RABL6: variants seen among roughly 807,000 people sequenced by gnomAD.
RABL6 encodes RAB, member RAS oncogene family like 6, also known as rab-like protein 6.
RABL6 carries 28 observed loss-of-function variants against 72.9 expected under a neutral mutation model. That is an observed-to-expected ratio of 0.38 (90% CI 0.28 to 0.53). The LOEUF (loss-of-function observed/expected upper bound fraction) is 0.53. Among genes scored for constraint, RABL6 ranks in the 20% least tolerant of loss-of-function variants. RABL6 has a pLI of 0.80. For missense variants in RABL6, 1,029 were observed against 1,008.4 expected, an observed-to-expected ratio of 1.02 and a Z score of -0.28; for synonymous variants, 477 against 421.2, an observed-to-expected ratio of 1.13 and a Z score of -1.62.
At chr9:136,808,834 C>T (rs551653910) in intron 1 of RABL6, 1 of 60,624 alleles carries the variant, frequency 1.6e-5, no homozygotes, top group Admixed American at 1.5e-4. Flanking sequence ...GCCACACATT[C>T]TCGCCTTTTT....
At position 136,826,816 on chromosome 9, in the gene RABL6, G is replaced by C. The variant is rs917104173; in HGVS notation, c.313+990G>C. 4 of 152,322 alleles carry C rather than the reference G, an allele frequency of 2.6e-5. No individual in the cohort carries two copies. Among genetic ancestry groups the C allele is most frequent in the Non-Finnish European group, 4.4e-5 (3 of 68,146 alleles). The allele number at this position is 152,322 out of a possible 1,614,324, so 9.4% of individuals were successfully genotyped here. A position where few individuals can be genotyped will look rare whatever the true frequency, so the allele number is the denominator to read the frequency against. On this transcript the variant is annotated intron_variant, in intron 3 of 14. Transcript: ENST00000311502. The surrounding 1 kb of genome is among the most constrained non-coding windows in gnomAD (Gnocchi z 4.9). Reference sequence around the variant, plus strand: ...GCCCCCAGGTGGCTCAGGAAGGGCCGTCCTGACCCCCATCCTGGCCCCTTT... The same window carrying C: ...GCCCCCAGGTGGCTCAGGAAGGGCCCTCCTGACCCCCATCCTGGCCCCTTT...
intron 1 of RABL6, chr9:136,821,904 G>C: frequency 7.8e-7 from 1 of 1,281,464 alleles, no homozygotes; most frequent in Middle Eastern, 3.0e-4. Flanking sequence ...CACCGTGGCC[G>C]TGAGGGCGCC....
At position 136,828,556 on chromosome 9, in the gene RABL6, A is replaced by G; in HGVS notation, c.366+10A>G. The G allele has an allele frequency of 6.2e-7, 1 of 1,613,036 alleles. No individual in the cohort carries two copies. The highest frequency in any genetic ancestry group is 8.5e-7 in the Non-Finnish European group (1 of 1,179,602). On this transcript the variant is annotated intron_variant, in intron 4 of 14. Transcript: ENST00000311502. ...GAACGACCCCCAGGAGGTGAGTGCC[A>G]GGTACACAGTGGGTAGCAGTGGCTC... is the stretch of plus-strand genomic sequence containing the variant.
chr9:136,833,968 C>T (rs962619648), intron 7 of RABL6: 3 of 1,534,876 alleles, frequency 2.0e-6, no homozygotes, highest in South Asian at 2.4e-5. Context: ...AATGGTTTGC[C>T]CTCCAAACCC....
At chr9:136,821,731 C>T in intron 1 of RABL6, 3 of 1,119,834 alleles carry the variant, frequency 2.7e-6, no homozygotes, top group Non-Finnish European at 2.2e-6. Context: ...GGCTGCTGTG[C>T]TCTCCACAGG....
chr9:136,812,508 A>C (rs1848032462), intron 1 of RABL6, among the ~76,000 whole-genome samples: 1 of 152,110 alleles, frequency 6.6e-6, no homozygotes. Context: ...GCCGTGAGCC[A>C]AGATCACACC....
chr9:136,825,680 G>T, intron 2 of RABL6, 99 bp from the exon 3 acceptor site: 1 of 1,317,734 alleles, frequency 7.6e-7, no homozygotes. Flanking sequence ...GGTGGGAGCC[G>T]GTGGCTGCGG....
intron 12 of RABL6, 91 bp downstream of exon 12, chr9:136,839,577 T>G: frequency 6.4e-7 from 1 of 1,551,484 alleles, no homozygotes; most frequent in Non-Finnish European, 8.7e-7. Flanking sequence ...GGAGGAGGCT[T>G]CTGGAAGAGG....
In RABL6 at chr9:136,829,441, A is replaced by G; in HGVS notation, c.415A>G (p.Asn139Asp). 3.1e-6 allele frequency: 5 copies of G among 1,588,648 alleles called. No homozygotes were observed. Among genetic ancestry groups the G allele is most frequent in the Non-Finnish European group, 4.3e-6 (5 of 1,167,884 alleles). Residue 139 changes from asparagine to aspartate, a missense_variant, in exon 5 of 15, where the codon AAC becomes GAC. Transcript: ENST00000311502. ...TGCTGAGTTCCTGGACGTGTACAAG[A>G]ACTGCAACGGGGTGGTCATGATGTT... ...LDAEFLDVYK[N>D]CNGVVMMFDI...
chr9:136,839,514 T>C, intron 12 of RABL6, 28 bp downstream of exon 12: 1 of 1,591,882 alleles, frequency 6.3e-7, no homozygotes, highest in Non-Finnish European at 8.6e-7. Context: ...GGGGCAGAGG[T>C]CAGCCAGGTG....
chr9:136,821,737 A>C, intron 1 of RABL6: 1 of 1,142,054 alleles, frequency 8.8e-7, no homozygotes, highest in Non-Finnish European at 1.1e-6. Context: ...TGTGCTCTCC[A>C]CAGGCCGGGC....
chr9:136,834,495 T>G, intron 7 of RABL6: 1 of 968,704 alleles, frequency 1.0e-6, no homozygotes, highest in Non-Finnish European at 1.2e-6. Context: ...ACACTCTTTT[T>G]TTTGGAGACG....
At chr9:136,834,950 A>T (rs1279341110) in intron 7 of RABL6, among the ~76,000 whole-genome samples, 4 of 151,288 alleles carry the variant, frequency 2.6e-5, no homozygotes, top group African/African-American at 7.3e-5. Context: ...AAAAAAAAAA[A>T]ATCTCTGAAA....
intron 1 of RABL6, chr9:136,808,573 C>T (rs1388570536): frequency 4.2e-6 from 1 of 237,078 alleles, no homozygotes; most frequent in East Asian, 8.8e-5. Flanking sequence ...CCGCGTGTCG[C>T]TCCCGCCGCG....
In RABL6 at chr9:136,838,986, G is replaced by T. The variant is rs1174997785; in HGVS notation, c.1358G>T (p.Gly453Val). 6.2e-7 allele frequency: 1 copy of T among 1,611,900 alleles called. No individual in the cohort carries two copies. The highest frequency in any genetic ancestry group is 1.7e-5 in the Admixed American group (1 of 59,950). ...DDVDLEDQPR[G>V]SPPLPAGPVP... ...GTGGACCTCGAAGACCAGCCACGTG[G>T]GAGTCCCCCGCTGCCTGCAGGCCCC... Residue 453 changes from glycine (G) to valine (V), a missense_variant, in exon 11 of 15, where the codon GGG (glycine) becomes GTG (valine). This residue lies in a region of RABL6 where 595 missense variants were observed against 472.4 expected (regional missense o/e 1.26). Transcript: ENST00000311502.
intron 7 of RABL6, 89 bp from the exon 8 acceptor site, chr9:136,835,653 G>A: frequency 8.4e-7 from 1 of 1,184,274 alleles, no homozygotes; most frequent in Non-Finnish European, 1.2e-6. Flanking sequence ...GGCAGCAGGA[G>A]GCGTCCCCTG....
intron 1 of RABL6, among the ~76,000 whole-genome samples, chr9:136,812,174 T>G (rs1373241188): frequency 6.6e-6 from 1 of 152,206 alleles, no homozygotes; most frequent in African/African-American, 2.4e-5. Context: ...TGCTCCTGAG[T>G]GAGCATTATT....
At chr9:136,818,659 C>G (rs1848176516) in intron 1 of RABL6, among the ~76,000 whole-genome samples, 1 of 151,702 alleles carries the variant, frequency 6.6e-6, no homozygotes, top group African/African-American at 2.4e-5. Flanking sequence ...ACAGGAGAAT[C>G]ACTTGAACCC....
intron 5 of RABL6, among the ~76,000 whole-genome samples, chr9:136,831,504 CAG>C (rs1848472970): frequency 1.3e-5 from 2 of 152,100 alleles, no homozygotes; most frequent in African/African-American, 4.8e-5. Context: ...TACCTGCCGT[CAG>C]GGAGAGGGAC....
Sources: allele counts gnomAD v4.1 joint callset (sites outside exome capture counted in the v4.1 genomes callset), GRCh38; gene constraint gnomAD v4.1.1; regional missense constraint gnomAD v4.1.1; non-coding constraint Gnocchi (gnomAD v3.1); transcripts MANE v1.5; gene names NCBI Gene and HGNC (gene_info 2026-07-23, HGNC 2026-07-21).